Variants in ZNF662 observed in about 807,000 individuals in gnomAD.
ZNF662 encodes zinc finger protein 662.
In ZNF662, 14 loss-of-function variants were observed where a neutral mutation model predicts 12.4. That is an observed-to-expected ratio of 1.13 (90% confidence interval 0.75 to 1.77). The LOEUF is 1.77. Among genes scored for constraint, ZNF662 ranks in the 40% most tolerant of loss-of-function variants. ZNF662 has a pLI of 0.00. For missense variants in ZNF662, 550 were observed against 515.6 expected, an observed-to-expected ratio of 1.07 and a Z score of -0.65; for synonymous variants, 184 against 176.4, an observed-to-expected ratio of 1.04 and a Z score of -0.34.
At chr3:42,909,943 G>A (rs2088756878) in intron 3 of ZNF662, among the ~76,000 whole-genome samples, 1 of 152,084 alleles carries the variant, frequency 6.6e-6, no homozygotes, top group Admixed American at 6.5e-5. Flanking sequence ...TCACTTCCTA[G>A]ACGGGGTGGC....
chr3:42,915,128 G>A lies in ZNF662; in HGVS notation c.1055G>A (p.Arg352Lys), dbSNP rs765216974. The change falls in exon 5 of 5, where the codon AGG becomes AAG. Residue 352 changes from arginine to lysine, a missense_variant. Physicochemically the swap from Arg to Lys is conservative, Grantham distance 26 (BLOSUM62 2). Transcript: ENST00000440367. ...AACTCAGATCTTTCTCAGCACCAGA[G>A]GGTCCACACTGGGGACAAGCCTCAT... ...MWNSDLSQHQ[R>K]VHTGDKPHEC... 7 of 1,614,206 alleles carry A rather than the reference G, an allele frequency of 4.3e-6. No individual in the cohort carries two copies. The highest frequency in any genetic ancestry group is 5.1e-6 in the Non-Finnish European group (6 of 1,180,042).
chr3:42,908,268 T>G (rs979025914), intron 2 of ZNF662, 120 bp downstream of exon 2: 1 of 1,463,704 alleles, frequency 6.8e-7, no homozygotes, highest in Non-Finnish European at 9.0e-7. Flanking sequence ...GGCTCTTGGA[T>G]TTTTAATGAC....
At position 42,914,971 on chromosome 3, in the gene ZNF662, G is replaced by A. The variant is rs1179635341; in HGVS notation, c.898G>A (p.Gly300Ser). 2 of 1,614,160 alleles carry A rather than the reference G, an allele frequency of 1.2e-6. No homozygotes were observed. The highest frequency in any genetic ancestry group is 2.2e-5 in the East Asian group (1 of 44,882). The part of the protein sequence containing the change: ...SLTQHQRIHT[G>S]EKPYTCKECG... ...TACGCAACATCAACGGATCCACACT[G>A]GTGAGAAACCATACACATGTAAGGA... The change falls in exon 5 of 5, where the codon GGT (glycine) becomes AGT (serine). Residue 300 changes from glycine to serine, a missense_variant. By Grantham distance (56) the Gly-to-Ser change is moderately conservative (BLOSUM62 0). Transcript: ENST00000440367.
Position 42,917,367 on chromosome 3 carries a change from A to G in ZNF662, c.*2013A>G. The G allele has an allele frequency of 1.6e-6, 1 of 613,508 alleles. No individual in the cohort carries two copies. Among genetic ancestry groups the G allele is most frequent in the South Asian group, 2.0e-5 (1 of 49,516 alleles). 38.0% of individuals were successfully genotyped at this position (613,508 alleles called of 1,614,324 possible). ...GCTTTTCTTCATCGAGAGCTACCAGAGGAGATATTATCTGTCCTCTGTGTG... is the reference window on the plus strand; with the variant it reads ...GCTTTTCTTCATCGAGAGCTACCAGGGGAGATATTATCTGTCCTCTGTGTG... On this transcript the variant is annotated 3_prime_UTR_variant, in exon 5 of 5. Coordinates refer to ENST00000440367, the MANE Select transcript of ZNF662 (RefSeq NM_207404.4).
At chr3:42,912,346 CAT>C (rs1285506417) in intron 3 of ZNF662, among the ~76,000 whole-genome samples, 3 of 95,952 alleles carry the variant, frequency 3.1e-5, no homozygotes, top group Non-Finnish European at 5.6e-5. Flanking sequence ...TGATATATAT[CAT>C]ATATAATTAT....
At chr3:42,912,655 T>TATATATATATTTTTTATATATATATAA (rs1559381489) in intron 3 of ZNF662, among the ~76,000 whole-genome samples, 10 of 46,708 alleles carry the variant, frequency 2.1e-4, no homozygotes, top group African/African-American at 1.1e-3. Context: ...TATATATAAA[T>TATATATATATTTTTTATATATATATAA]ATATATATAT....
rs2088873315 is a variant in ZNF662, at chr3:42,914,412, T to C, written c.339T>C (p.Ser113=). 6.2e-7 allele frequency: 1 copy of C among 1,613,828 alleles called. No homozygotes were observed. The highest frequency in any genetic ancestry group is 1.7e-5 in the Admixed American group (1 of 59,978). The change falls in exon 5 of 5, where the codon AGT becomes AGC. Residue 113 remains serine (S), a synonymous_variant. Coordinates refer to ENST00000440367, the MANE Select transcript of ZNF662 (RefSeq NM_207404.4). ...EEAQDLMVLS[S]GPQWCGSQEL... ...CACAGGACCTCATGGTCCTATCAAG[T>C]GGACCCCAGTGGTGTGGATCCCAGG...
Position 42,913,237 on chromosome 3 carries a change from C to T in ZNF662, c.188C>T (p.Pro63Leu). Residue 63 changes from proline to leucine, a missense_variant, in exon 4 of 5, where the codon CCT becomes CTT. Coordinates refer to ENST00000440367, the MANE Select transcript of ZNF662 (RefSeq NM_207404.4). ...PFLKPAGISH[P>L]EQVEEPLNLK... ...CTAAAGCCTGCTGGGATTTCCCATCCTGAGCAGGTGGAAGAGCCATTAAAC... is the reference window on the plus strand; with the variant it reads ...CTAAAGCCTGCTGGGATTTCCCATCTTGAGCAGGTGGAAGAGCCATTAAAC... The T allele has an allele frequency of 6.2e-7, 1 of 1,614,044 alleles. No individual in the cohort carries two copies. The highest frequency in any genetic ancestry group is 8.5e-7 in the Non-Finnish European group (1 of 1,179,968).
Position 42,914,762 on chromosome 3 carries a change from G to GT in ZNF662, c.693dup (p.Arg232SerfsTer18), listed in dbSNP as rs34220298. The stretch of plus-strand genomic sequence containing the variant: ...TGTAAGGAATGTGGGAAGGCTTTCA[G>GT]TTTTCGATCACATTGCATTGCACAT... On this transcript the variant is annotated frameshift_variant, in exon 5 of 5. Transcript: ENST00000440367. LOFTEE classifies it low-confidence loss of function (END_TRUNC). 6.2e-7 allele frequency: 1 copy of GT among 1,613,928 alleles called. No individual in the cohort carries two copies. The highest frequency in any genetic ancestry group is 8.5e-7 in the Non-Finnish European group (1 of 1,179,930).
intron 4 of ZNF662, among the ~76,000 whole-genome samples, chr3:42,913,789 T>C (rs948304546): frequency 2.0e-5 from 3 of 152,182 alleles, no homozygotes; most frequent in African/African-American, 7.2e-5. Context: ...GAGTTCTGCC[T>C]GGAGTAGTTT....
rs1428466445 is a variant in ZNF662, at chr3:42,916,056, C to T, written c.*702C>T. On this transcript the variant is annotated 3_prime_UTR_variant, in exon 5 of 5. Transcript: ENST00000440367. ...AATCTTTGACTAGATATAACATGCT[C>T]ATGATAAAAAAGAATTGAAATAGTT... is the stretch of plus-strand genomic sequence containing the variant. 2 of 151,980 alleles carry T rather than the reference C, an allele frequency of 1.3e-5. No individual in the cohort carries two copies. Among genetic ancestry groups the T allele is most frequent in the African/African-American group, 4.8e-5 (2 of 41,382 alleles). The allele number at this position is 151,980 out of a possible 1,614,324, so 9.4% of individuals were successfully genotyped here.
In ZNF662 at chr3:42,917,967, G is replaced by A. The variant is rs142417816; in HGVS notation, c.*2613G>A. Among the ~76,000 whole-genome samples, 2,098 of 152,338 alleles carry A rather than the reference G, an allele frequency of 0.014. 58 individuals are homozygous for A. Among genetic ancestry groups the A allele is most frequent in the African/African-American group, 0.048 (1,995 of 41,570 alleles). ...ACTAAAAATACAAAATTAGCCAGGT[G>A]TGGTGGCACATGCCAGTAATCTCAG... On this transcript the variant is annotated 3_prime_UTR_variant, in exon 5 of 5. Coordinates refer to ENST00000440367, the MANE Select transcript of ZNF662 (RefSeq NM_207404.4).
chr3:42,906,849 C>T lies in ZNF662; in HGVS notation c.-94+681C>T, dbSNP rs1167875661. Reference sequence around the variant, plus strand: ...ACAGGGTGAGGAAAGAGTTTGGTTTCCCAATGCAATGGTGAGAGGATCGGA... The same window carrying T: ...ACAGGGTGAGGAAAGAGTTTGGTTTTCCAATGCAATGGTGAGAGGATCGGA... On this transcript the variant is annotated intron_variant, in intron 1 of 4. Coordinates refer to ENST00000440367, the MANE Select transcript of ZNF662 (RefSeq NM_207404.4). This position sits in a 1 kb window ranked among gnomAD's most constrained non-coding sequence, Gnocchi z 4.4. 6.6e-6 allele frequency among the ~76,000 whole-genome samples: 1 copy of T among 152,122 alleles called. No homozygotes were observed. The highest frequency in any genetic ancestry group is 1.9e-4 in the East Asian group (1 of 5,192).
At chr3:42,913,950 A>G (rs1434277502) in intron 4 of ZNF662, among the ~76,000 whole-genome samples, 8 of 151,942 alleles carry the variant, frequency 5.3e-5, no homozygotes, top group Non-Finnish European at 1.2e-4. Flanking sequence ...GTATACCACT[A>G]AGGATTCCTT....
intron 2 of ZNF662, chr3:42,908,392 A>G (rs1252360805): frequency 8.4e-6 from 11 of 1,316,424 alleles, no homozygotes; most frequent in Non-Finnish European, 1.1e-5. Flanking sequence ...TGTTGTGGGT[A>G]TAGTGAGAAG....
intron 3 of ZNF662, among the ~76,000 whole-genome samples, chr3:42,911,811 G>A (rs1319420405): frequency 6.6e-6 from 1 of 152,166 alleles, no homozygotes; most frequent in Non-Finnish European, 1.5e-5. Flanking sequence ...CTGAGTGAGG[G>A]TGTGAGTCCA....
Position 42,914,342 on chromosome 3 carries a change from G to T in ZNF662, c.269G>T (p.Arg90Met), listed in dbSNP as rs776795253. Residue 90 changes from arginine (R) to methionine (M), a missense_variant, in exon 5 of 5, where the codon AGG (arginine) becomes ATG (methionine). By Grantham distance (91) the Arg-to-Met change is moderately conservative (BLOSUM62 -1). Coordinates refer to ENST00000440367, the MANE Select transcript of ZNF662 (RefSeq NM_207404.4). ...SLICPEGVLK[R>M]KKEDFILKEE... ...CTTTTTTCAGAGGGTGTGTTGAAGA[G>T]GAAGAAAGAAGATTTTATTCTGAAG... is the stretch of plus-strand genomic sequence containing the variant. 6.2e-7 allele frequency: 1 copy of T among 1,602,700 alleles called. No homozygotes were observed. Among genetic ancestry groups the T allele is most frequent in the East Asian group, 2.2e-5 (1 of 44,800 alleles).
rs755271867 is a variant in ZNF662, at chr3:42,915,016, C to A, written c.943C>A (p.Arg315=). 6.2e-7 allele frequency: 1 copy of A among 1,613,836 alleles called. No homozygotes were observed. Among genetic ancestry groups the A allele is most frequent in the East Asian group, 2.2e-5 (1 of 44,840 alleles). ...TAAGGAATGTGGGAAAAGCTTTACT[C>A]GAAACCCAGCCCTTCTTCGACATCA... ...TCKECGKSFT[R]NPALLRHQRM... Residue 315 remains arginine (R), a synonymous_variant, in exon 5 of 5, where the codon CGA becomes AGA. Transcript: ENST00000440367.
intron 3 of ZNF662, among the ~76,000 whole-genome samples, chr3:42,912,720 A>ATATATATAAATATATATATAT (rs2088841040): frequency 1.5e-5 from 1 of 66,430 alleles, no homozygotes; most frequent in Non-Finnish European, 2.8e-5. Context: ...ATATATATAT[A>ATATATATAAATATATATATAT]TTTTTTATAT....
Sources: allele counts gnomAD v4.1 joint callset (sites outside exome capture counted in the v4.1 genomes callset), GRCh38; gene constraint gnomAD v4.1.1; non-coding constraint Gnocchi (gnomAD v3.1); transcripts MANE v1.5; gene names NCBI Gene and HGNC (gene_info 2026-07-23, HGNC 2026-07-21).